The following DNAJC8 variants were observed in gnomAD, a reference collection of about 807,000 sequenced individuals.
DNAJC8 encodes DnaJ heat shock protein family (Hsp40) member C8.
A neutral mutation model predicts 43.2 loss-of-function variants in DNAJC8; 24 were observed. The observed-to-expected ratio is 0.56, with a 90% CI of 0.40 to 0.78. DNAJC8 has a LOEUF of 0.78. Among genes scored for constraint, DNAJC8 ranks in the 30% least tolerant of loss-of-function variants. The pLI is 0.00. For missense variants in DNAJC8, 207 were observed against 299.4 expected, an observed-to-expected ratio of 0.69 and a Z score of 2.28; for synonymous variants, 83 against 98.0, an observed-to-expected ratio of 0.85 and a Z score of 0.90.
intron 7 of DNAJC8, 109 bp downstream of exon 7, chr1:28,205,149 T>A: frequency 1.3e-6 from 1 of 764,252 alleles, no homozygotes; most frequent in Non-Finnish European, 2.0e-6. Flanking sequence ...ATTTTTATAG[T>A]CTCTTAAATG....
rs955387284 is a variant in DNAJC8 at position 28,208,598 on chromosome 1, C to A, written c.400-185G>T. 8 of 379,086 alleles carry A rather than the reference C, an allele frequency of 2.1e-5. No homozygotes were observed. The East Asian group carries it at 3.1e-4, about 15-fold the overall frequency. The allele number at this position is 379,086 out of a possible 1,614,324, so 23.5% of individuals were successfully genotyped here. A position where few individuals can be genotyped will look rare whatever the true frequency, so the allele number is the denominator to read the frequency against. ...CAACAGAATCAAGGAAAATTAGGAA[C>A]CACAAGTCCTTTTTCTAATCTCATC... is the stretch of plus-strand genomic sequence containing the variant. On this transcript the variant is annotated intron_variant, in intron 5 of 8. Transcript: ENST00000263697.
Position 28,232,990 on chromosome 1 carries a change from A to G in DNAJC8, c.9T>C (p.Ala3=), listed in dbSNP as rs1646991948. MA[A]SGESGTSGGG... Reference sequence around the variant, plus strand: ...CGCCTGAAGTCCCGCTCTCTCCTGAAGCCGCCATTTCCCCGGCCCAGCCAC... The same window carrying G: ...CGCCTGAAGTCCCGCTCTCTCCTGAGGCCGCCATTTCCCCGGCCCAGCCAC... Residue 3 remains alanine (A), a synonymous_variant, in exon 1 of 9, where the codon GCT becomes GCC. Transcript: ENST00000263697. The G allele has an allele frequency of 1.9e-6, 3 of 1,612,198 alleles. No homozygotes were observed. In the Middle Eastern group the frequency reaches 4.9e-4, roughly 266 times the overall value.
intron 8 of DNAJC8, among the ~76,000 whole-genome samples, chr1:28,202,028 C>T (rs548054079): frequency 2.7e-4 from 41 of 150,856 alleles, no homozygotes; most frequent in Non-Finnish European, 3.1e-4. Context: ...AGGCGGAGGT[C>T]GCAGTGAGCC....
chr1:28,232,817 G>T, intron 1 of DNAJC8, 104 bp downstream of exon 1: 1 of 1,244,370 alleles, frequency 8.0e-7, no homozygotes, highest in Non-Finnish European at 1.1e-6. Context: ...TGGACTGAAG[G>T]AATCGCCCAA....
At chr1:28,208,674 G>A (rs1646787737) in intron 5 of DNAJC8, 2 of 264,362 alleles carry the variant, frequency 7.6e-6, no homozygotes, top group Non-Finnish European at 1.4e-5. Flanking sequence ...ACCAACGGGA[G>A]GTTGTCCCCA....
rs942365113 is a variant in DNAJC8, at chr1:28,205,175, C to T, written c.563+83G>A. The T allele has an allele frequency of 7.7e-6, 8 of 1,040,122 alleles. No individual in the cohort carries two copies. The African/African-American group carries it at 1.1e-4, about 15-fold the overall frequency. 64.4% of individuals were successfully genotyped at this position (1,040,122 alleles called of 1,614,324 possible). A position where few individuals can be genotyped will look rare whatever the true frequency, so the allele number is the denominator to read the frequency against. On this transcript the variant is annotated intron_variant, in intron 7 of 8. Transcript: ENST00000263697. ...CTCTTAAATGGTATACTATATAATT[C>T]CCTCATTAGGAAAATCACCAAAGAC...
At chr1:28,225,161 G>T (rs1405336210) in intron 2 of DNAJC8, among the ~76,000 whole-genome samples, 3 of 150,974 alleles carry the variant, frequency 2.0e-5, no homozygotes. Flanking sequence ...ATTTGAATGG[G>T]GTCTGATGAT....
chr1:28,217,543 G>A (rs911324441), intron 2 of DNAJC8, among the ~76,000 whole-genome samples: 6 of 152,096 alleles, frequency 3.9e-5, no homozygotes, highest in African/African-American at 1.4e-4. Flanking sequence ...ACTTCCCAAG[G>A]AGAAAGGAAT....
At chr1:28,213,494 G>A (rs561040231) in intron 3 of DNAJC8, among the ~76,000 whole-genome samples, 18 of 152,188 alleles carry the variant, frequency 1.2e-4, no homozygotes, top group African/African-American at 4.3e-4. Context: ...AAATGACTAT[G>A]AGTCAGCAAT....
intron 2 of DNAJC8, among the ~76,000 whole-genome samples, chr1:28,226,703 T>C (rs957473538): frequency 3.3e-5 from 5 of 151,204 alleles, no homozygotes; most frequent in African/African-American, 1.2e-4. Flanking sequence ...CCAACTACTT[T>C]GTTGGAGTGA....
At chr1:28,228,065 C>A (rs1646948969) in intron 2 of DNAJC8, among the ~76,000 whole-genome samples, 1 of 152,060 alleles carries the variant, frequency 6.6e-6, no homozygotes, top group Non-Finnish European at 1.5e-5. Flanking sequence ...AATCAAGAAT[C>A]CTAGGCTGGG....
chr1:28,218,542 G>A (rs1467533615), intron 2 of DNAJC8, among the ~76,000 whole-genome samples: 1 of 151,820 alleles, frequency 6.6e-6, no homozygotes, highest in Admixed American at 6.6e-5. Flanking sequence ...TCAGCCTCTT[G>A]AGCAACTAGG....
intron 3 of DNAJC8, among the ~76,000 whole-genome samples, chr1:28,212,858 C>T (rs1572063403): frequency 6.6e-6 from 1 of 152,292 alleles, no homozygotes; most frequent in South Asian, 2.1e-4. Context: ...ATCTCTGCCT[C>T]CGCTTCCTGC....
intron 7 of DNAJC8, 66 bp from the exon 8 acceptor site, chr1:28,203,888 G>A: frequency 6.7e-7 from 1 of 1,500,810 alleles, no homozygotes; most frequent in Non-Finnish European, 9.3e-7. Flanking sequence ...ATACAAGGTG[G>A]CATCTCCCCA....
chr1:28,217,031 C>A (rs1488373822), intron 2 of DNAJC8, among the ~76,000 whole-genome samples: 1 of 152,050 alleles, frequency 6.6e-6, no homozygotes, highest in South Asian at 2.1e-4. Context: ...TGGTCTTGAA[C>A]TCCCAACTTC....
intron 6 of DNAJC8, among the ~76,000 whole-genome samples, chr1:28,207,751 G>GT (rs1040340569): frequency 2.9e-5 from 4 of 137,292 alleles, no homozygotes; most frequent in Admixed American, 7.1e-5. Flanking sequence ...CAAATAAAAT[G>GT]TTTTTTTAAA....
chr1:28,214,871 A>C (rs1273397720), intron 3 of DNAJC8, 69 bp downstream of exon 3: 11 of 1,401,030 alleles, frequency 7.9e-6, no homozygotes, highest in Non-Finnish European at 1.1e-5. Context: ...AGTCAATAAT[A>C]GCAAGTGATA....
chr1:28,229,957 C>T (rs1211193805), intron 1 of DNAJC8, among the ~76,000 whole-genome samples: 2 of 151,836 alleles, frequency 1.3e-5, no homozygotes, highest in African/African-American at 4.8e-5. Context: ...TAGAAAAAAT[C>T]CCTGACTTGG....
chr1:28,207,485 C>T (rs566444030), intron 6 of DNAJC8, among the ~76,000 whole-genome samples: 1 of 151,746 alleles, frequency 6.6e-6, no homozygotes, highest in Non-Finnish European at 1.5e-5. Context: ...TGCTATGTCA[C>T]CAGGCGGAGG....
Sources: allele counts gnomAD v4.1 joint callset (sites outside exome capture counted in the v4.1 genomes callset), GRCh38; gene constraint gnomAD v4.1.1; transcripts MANE v1.5; gene names NCBI Gene and HGNC (gene_info 2026-07-23, HGNC 2026-07-21).